PPP4R3B: variants seen among roughly 807,000 people sequenced by gnomAD.
PPP4R3B encodes the protein protein phosphatase 4 regulatory subunit 3B, also known as serine/threonine-protein phosphatase 4 regulatory subunit 3B.
PPP4R3B carries 52 observed loss-of-function variants against 95.4 expected under a neutral mutation model. The observed-to-expected ratio is 0.54, with a 90% confidence interval of 0.44 to 0.69. PPP4R3B has a LOEUF of 0.69. Among genes scored for constraint, PPP4R3B ranks in the 30% least tolerant of loss-of-function variants. PPP4R3B has a pLI of 0.00. For synonymous variants in PPP4R3B, 407 were observed against 343.9 expected (o/e 1.18, Z -2.03); for missense variants, 1,003 against 1,005.9 (o/e 1.00, Z 0.04).
intron 2 of PPP4R3B, among the ~76,000 whole-genome samples, chr2:55,613,901 T>C (rs1694540556): frequency 6.6e-6 from 1 of 151,914 alleles, no homozygotes; most frequent in South Asian, 2.1e-4. Context: ...AAACTCGGTA[T>C]AAAGACAGAG....
intron 8 of PPP4R3B, among the ~76,000 whole-genome samples, chr2:55,580,616 C>A (rs1427835483): frequency 6.6e-6 from 1 of 152,096 alleles, no homozygotes; most frequent in Non-Finnish European, 1.5e-5. Context: ...GATGAAAAGA[C>A]AAAATTTAAA....
chr2:55,578,411 T>C, intron 9 of PPP4R3B, 69 bp from the exon 10 acceptor site: 1 of 1,195,546 alleles, frequency 8.4e-7, no homozygotes. Context: ...TGTTATATTA[T>C]TATCTATATA....
rs185875249 is a variant in PPP4R3B, at chr2:55,547,556, C to T, written c.*2355G>A. On this transcript the variant is annotated 3_prime_UTR_variant, in exon 17 of 17. Transcript: ENST00000616407. ...AGGTAAGCACTTGTACCATGAAAAC[C>T]GTAACCTGTACTTCAAGAAAACATT... 2 of 152,266 alleles carry T rather than the reference C, an allele frequency of 1.3e-5. No homozygotes were observed. The highest frequency in any genetic ancestry group is 2.1e-4 in the South Asian group (1 of 4,832). 9.4% of individuals were successfully genotyped at this position (152,266 alleles called of 1,614,324 possible). A position where few individuals can be genotyped will look rare whatever the true frequency, so the allele number is the denominator to read the frequency against.
chr2:55,573,768 T>C lies in PPP4R3B; in HGVS notation c.1616A>G (p.Gln539Arg). ...AATTAAGGCAAGTAGCTGTGCTGTT[T>C]GATAATTATCTACAAAAGAAAGTAA... is the stretch of plus-strand genomic sequence containing the variant. ...KNNTICPDNY[Q>R]TAQLLALILE... The change falls in exon 12 of 17, where the codon CAA becomes CGA. Residue 539 changes from glutamine (Q) to arginine (R), a missense_variant. Coordinates refer to ENST00000616407, the MANE Select transcript of PPP4R3B (RefSeq NM_001122964.3). 1 of 1,508,332 alleles carries C rather than the reference T, an allele frequency of 6.6e-7. No homozygotes were observed. The highest frequency in any genetic ancestry group is 2.5e-5 in the East Asian group (1 of 39,530). The allele number at this position is 1,508,332 out of a possible 1,614,324, so 93.4% of individuals were successfully genotyped here.
chr2:55,569,774 C>G (rs1021449283), intron 12 of PPP4R3B, among the ~76,000 whole-genome samples: 11 of 152,102 alleles, frequency 7.2e-5, no homozygotes, highest in African/African-American at 2.7e-4. Context: ...GGTAGTGGTC[C>G]CCCGGGCCCA....
At chr2:55,580,537 T>G (rs1689314200) in intron 8 of PPP4R3B, among the ~76,000 whole-genome samples, 1 of 152,180 alleles carries the variant, frequency 6.6e-6, no homozygotes, top group South Asian at 2.1e-4. Flanking sequence ...TACCTAAAAT[T>G]TGGAACCCCA....
At chr2:55,550,465 A>C (rs1685125898) in intron 16 of PPP4R3B, among the ~76,000 whole-genome samples, 1 of 152,250 alleles carries the variant, frequency 6.6e-6, no homozygotes, top group East Asian at 1.9e-4. Context: ...AGTACAGCTT[A>C]AATGGCTGGA....
At chr2:55,607,906 ACAAT>A (rs1423459097) in intron 2 of PPP4R3B, among the ~76,000 whole-genome samples, 2 of 152,240 alleles carry the variant, frequency 1.3e-5, no homozygotes, top group East Asian at 1.9e-4. Flanking sequence ...CATTTTGGCT[ACAAT>A]CAATGTTTGG....
At chr2:55,596,996 T>C (rs1258052434) in intron 4 of PPP4R3B, among the ~76,000 whole-genome samples, 1 of 151,896 alleles carries the variant, frequency 6.6e-6, no homozygotes, top group Non-Finnish European at 1.5e-5. Flanking sequence ...AGCTGCATCA[T>C]CGATATATAT....
chr2:55,589,855 G>A (rs1690719723), intron 4 of PPP4R3B, among the ~76,000 whole-genome samples: 2 of 147,910 alleles, frequency 1.4e-5, no homozygotes, highest in South Asian at 4.3e-4. Flanking sequence ...GGGGGAGCTT[G>A]CAGTGAGCCG....
intron 15 of PPP4R3B, among the ~76,000 whole-genome samples, chr2:55,559,834 G>A (rs1214344666): frequency 1.3e-5 from 2 of 152,132 alleles, no homozygotes; most frequent in African/African-American, 2.4e-5. Flanking sequence ...AAAGATACCT[G>A]AAAATGGCAG....
chr2:55,589,943 A>T (rs1002047683), intron 4 of PPP4R3B, among the ~76,000 whole-genome samples: 18 of 135,438 alleles, frequency 1.3e-4, no homozygotes, highest in Middle Eastern at 4.0e-3. Flanking sequence ...TATATATATA[A>T]AAAATATATA....
intron 6 of PPP4R3B, among the ~76,000 whole-genome samples, chr2:55,585,722 T>C (rs565879574): frequency 6.6e-6 from 1 of 152,194 alleles, no homozygotes; most frequent in South Asian, 2.1e-4. Flanking sequence ...ACATGAAGAG[T>C]ACATGACTTA....
In PPP4R3B at chr2:55,552,016, C is replaced by T. The variant is rs542735124; in HGVS notation, c.2455-2010G>A. 2.6e-5 allele frequency among the ~76,000 whole-genome samples: 4 copies of T among 152,262 alleles called. 1 individual carries two copies. Among genetic ancestry groups the T allele is most frequent in the Middle Eastern group, 3.4e-3 (1 of 294 alleles). ...TTATGCTTAGTATTACATATCATAA[C>T]GTACAAACATTTGTATTCCAAATGG... On this transcript the variant is annotated intron_variant, in intron 16 of 16. Transcript: ENST00000616407.
intron 4 of PPP4R3B, among the ~76,000 whole-genome samples, chr2:55,592,118 C>T (rs1344146292): frequency 6.6e-6 from 1 of 151,890 alleles, no homozygotes; most frequent in Admixed American, 6.6e-5. Context: ...AAATACAGGC[C>T]AAACAAAAGA....
At chr2:55,604,683 G>A (rs1693131053) in intron 2 of PPP4R3B, among the ~76,000 whole-genome samples, 2 of 152,026 alleles carry the variant, frequency 1.3e-5, no homozygotes. Context: ...TAGGTAAGCA[G>A]TCTCCTAGAA....
intron 4 of PPP4R3B, 30 bp downstream of exon 4, chr2:55,598,386 T>C (rs1255278951): frequency 1.3e-6 from 2 of 1,593,344 alleles, no homozygotes; most frequent in Non-Finnish European, 1.7e-6. Context: ...ATCTGAAAAA[T>C]GGAATCGTGA....
intron 5 of PPP4R3B, among the ~76,000 whole-genome samples, chr2:55,587,820 C>A (rs1690369529): frequency 1.3e-5 from 2 of 152,060 alleles, no homozygotes; most frequent in African/African-American, 2.4e-5. Context: ...GTCTAAAACA[C>A]CAATATTATA....
chr2:55,583,758 CA>C (rs1347766055), intron 7 of PPP4R3B, among the ~76,000 whole-genome samples: 1 of 152,090 alleles, frequency 6.6e-6, no homozygotes, highest in African/African-American at 2.4e-5. Flanking sequence ...AAAATAAAAT[CA>C]CTTTAAAAAA....
Sources: allele counts gnomAD v4.1 joint callset (sites outside exome capture counted in the v4.1 genomes callset), GRCh38; gene constraint gnomAD v4.1.1; transcripts MANE v1.5; gene names NCBI Gene and HGNC (gene_info 2026-07-23, HGNC 2026-07-21).